Variants in PLCB4 observed in about 807,000 individuals in gnomAD.
PLCB4 encodes the protein 1-phosphatidylinositol 4,5-bisphosphate phosphodiesterase beta-4.
Under a neutral mutation model 178.8 loss-of-function variants are expected in PLCB4, and 77 were observed. The observed-to-expected ratio is 0.43, with a 90% confidence interval of 0.36 to 0.52. PLCB4 has a LOEUF of 0.52. Among genes scored for constraint, PLCB4 ranks in the 20% least tolerant of loss-of-function variants. The pLI is 0.00. For synonymous variants in PLCB4, 496 were observed against 490.8 expected, an observed-to-expected ratio of 1.01 and a Z score of -0.14; for missense variants, 1,024 against 1,453.4, an observed-to-expected ratio of 0.70 and a Z score of 4.80.
intron 2 of PLCB4, among the ~76,000 whole-genome samples, chr20:9,107,640 A>ATTGGGCAGGAGGGTGGCG (rs1467464480): frequency 2.6e-4 from 40 of 152,076 alleles, no homozygotes; most frequent in Middle Eastern, 3.4e-3. Context: ...GTGCTGGGAG[A>ATTGGGCAGGAGGGTGGCG]TTGGGCAGGA....
rs531962757 is a variant in PLCB4 at position 9,108,580 on chromosome 20, G to A, written c.-79+12238G>A. On this transcript the variant is annotated intron_variant, in intron 2 of 39. Coordinates refer to ENST00000378473, the MANE Select transcript of PLCB4 (RefSeq NM_001377142.1). ...GCTGAGGTATGAATTGTGAAGCATG[G>A]AAATGATGATGATGATAATACTAAT... 2.6e-5 allele frequency among the ~76,000 whole-genome samples: 4 copies of A among 151,474 alleles called. No homozygotes were observed. In the East Asian group the frequency reaches 7.8e-4, roughly 29 times the overall value.
intron 14 of PLCB4, among the ~76,000 whole-genome samples, chr20:9,386,493 A>T (rs1568708695): frequency 6.6e-6 from 1 of 150,460 alleles, no homozygotes; most frequent in African/African-American, 2.4e-5. Context: ...TTTTTAATTC[A>T]TTTTTTTTTG....
rs573769259 is a variant in PLCB4 at position 9,204,652 on chromosome 20, C to A, written c.-78-12738C>A. On this transcript the variant is annotated intron_variant, in intron 2 of 39. Coordinates refer to ENST00000378473, the MANE Select transcript of PLCB4 (RefSeq NM_001377142.1). ...TGCTGGGATTACAGGCATGAGCCAC[C>A]GCGCCCGGCCGCTCTAAGACTTTCA... Among the ~76,000 whole-genome samples the A allele has an allele frequency of 8.1e-4, 123 of 152,104 alleles. 1 individual carries two copies. Among genetic ancestry groups the A allele is most frequent in the African/African-American group, 1.6e-3 (68 of 41,484 alleles).
intron 35 of PLCB4, among the ~76,000 whole-genome samples, chr20:9,465,970 T>C (rs2043754112): frequency 6.6e-6 from 1 of 152,190 alleles, no homozygotes; most frequent in African/African-American, 2.4e-5. Context: ...AGAGCCCTCA[T>C]TGCCAAGACA....
chr20:9,264,297 T>C (rs1196791584), intron 3 of PLCB4, among the ~76,000 whole-genome samples: 1 of 152,250 alleles, frequency 6.6e-6, no homozygotes, highest in Non-Finnish European at 1.5e-5. Flanking sequence ...AACTAATGTG[T>C]GTCCTACAAC....
In PLCB4 at chr20:9,154,984, G is replaced by A. The variant is rs565822517; in HGVS notation, c.-79+58642G>A. 2.7e-4 allele frequency among the ~76,000 whole-genome samples: 34 copies of A among 128,132 alleles called. 1 individual carries two copies. In the South Asian group the frequency reaches 8.9e-3, roughly 34 times the overall value. The allele number at this position is 128,132 out of a possible 152,430, so 84.1% of individuals were successfully genotyped here. On this transcript the variant is annotated intron_variant, in intron 2 of 39. Coordinates refer to ENST00000378473, the MANE Select transcript of PLCB4 (RefSeq NM_001377142.1). Reference sequence around the variant, plus strand: ...CCTTCCTTCTGCTTTTGGGGTACAAGTGGTTTTTGGTTACATGGATGAATT... The same window carrying A: ...CCTTCCTTCTGCTTTTGGGGTACAAATGGTTTTTGGTTACATGGATGAATT...
intron 5 of PLCB4, among the ~76,000 whole-genome samples, chr20:9,337,674 A>C (rs2032643338): frequency 6.6e-6 from 1 of 152,160 alleles, no homozygotes; most frequent in African/African-American, 2.4e-5. Flanking sequence ...AAAAATTAGC[A>C]TTTTTCTCAC....
At chr20:9,471,630 AG>A (rs1027169474) in intron 36 of PLCB4, among the ~76,000 whole-genome samples, 45 of 152,368 alleles carry the variant, frequency 3.0e-4, no homozygotes, top group African/African-American at 1.1e-3. Flanking sequence ...AAGAAGTTAT[AG>A]GTCTTTTCAC....
At position 9,423,841 on chromosome 20, in the gene PLCB4, C is replaced by G. The variant is rs1449022652; in HGVS notation, c.2413C>G (p.Gln805Glu). The G allele has an allele frequency of 1.2e-6, 2 of 1,613,854 alleles. No individual in the cohort carries two copies. Among genetic ancestry groups the G allele is most frequent in the Non-Finnish European group, 1.7e-6 (2 of 1,179,792 alleles). ...GQRILPLDGL[Q>E]AGYRHISLRN... ...GAGGATCCTCCCGCTTGATGGCCTC[C>G]AAGCCGGATATCGACACATTTCCCT... The change falls in exon 28 of 40, where the codon CAA (glutamine) becomes GAA (glutamate). Residue 805 changes from glutamine to glutamate, a missense_variant. Gln to Glu is a conservative substitution (Grantham distance 29, BLOSUM62 2). Around this residue, in one of 7 missense-constraint regions of PLCB4, gnomAD observed 227 missense variants for 374.3 expected, o/e 0.61. Transcript: ENST00000378473.
rs765383360 is a variant in PLCB4 at position 9,362,908 on chromosome 20, G to A, written c.382G>A (p.Gly128Ser). Reference sequence around the variant, plus strand: ...CTTTCTCTTTCAGCAATGGGTAGAAGGCCTGAGATCAATCATACACAACTT... The same window carrying A: ...CTTTCTCTTTCAGCAATGGGTAGAAAGCCTGAGATCAATCATACACAACTT... ...NPEVTKQWVE[G>S]LRSIIHNFRA... The change falls in exon 8 of 40, where the codon GGC becomes AGC. Residue 128 changes from glycine to serine, a missense_variant. Physicochemically the swap from Gly to Ser is moderately conservative, Grantham distance 56. This residue lies in a region of PLCB4 where 225 missense variants were observed against 291.0 expected (regional missense o/e 0.77). Coordinates refer to ENST00000378473, the MANE Select transcript of PLCB4 (RefSeq NM_001377142.1). 1.8e-5 allele frequency: 29 copies of A among 1,611,648 alleles called. No homozygotes were observed. The highest frequency in any genetic ancestry group is 2.4e-5 in the Non-Finnish European group (28 of 1,177,994).
At chr20:9,068,881 G>A (rs982675386), upstream of PLCB4, 1 of 151,546 alleles carries the variant, frequency 6.6e-6, no homozygotes, top group African/African-American at 2.4e-5. Flanking sequence ...GAGCCACGGC[G>A]GAGACCCCCG....
At chr20:9,340,799 C>T (rs1345579749) in intron 7 of PLCB4, among the ~76,000 whole-genome samples, 2 of 152,042 alleles carry the variant, frequency 1.3e-5, no homozygotes, top group African/African-American at 4.8e-5. Context: ...AAAATGGGAA[C>T]AGTACTAGAA....
chr20:9,358,797 G>A (rs1210922448), intron 7 of PLCB4, among the ~76,000 whole-genome samples: 2 of 152,106 alleles, frequency 1.3e-5, no homozygotes, highest in Non-Finnish European at 2.9e-5. Flanking sequence ...TACTCATGAG[G>A]CTGAGGAAGG....
In PLCB4 at chr20:9,196,815, G is replaced by A. The variant is rs369901411; in HGVS notation, c.-78-20575G>A. ...TTTAGTACAAAGGTTCTCAGTAAGC[G>A]GAGGTGTTATTTTAGAAATTTATCT... On this transcript the variant is annotated intron_variant, in intron 2 of 39. Coordinates refer to ENST00000378473, the MANE Select transcript of PLCB4 (RefSeq NM_001377142.1). 1.9e-4 allele frequency among the ~76,000 whole-genome samples: 29 copies of A among 152,236 alleles called. No homozygotes were observed. The East Asian group carries it at 4.1e-3, about 21-fold the overall frequency.
At chr20:9,331,065 A>G (rs2031572316) in intron 4 of PLCB4, among the ~76,000 whole-genome samples, 1 of 152,208 alleles carries the variant, frequency 6.6e-6, no homozygotes, top group Admixed American at 6.6e-5. Flanking sequence ...GTTAAGCAGA[A>G]TAACTGCAAG....
At chr20:9,388,934 G>A (rs1423875373) in intron 15 of PLCB4, among the ~76,000 whole-genome samples, 2 of 152,266 alleles carry the variant, frequency 1.3e-5, no homozygotes, top group East Asian at 3.9e-4. Context: ...AATATTTCAA[G>A]ATTATCTAAC....
intron 21 of PLCB4, among the ~76,000 whole-genome samples, chr20:9,407,441 C>A (rs2039529007): frequency 6.6e-6 from 1 of 150,874 alleles, no homozygotes; most frequent in African/African-American, 2.4e-5. Context: ...ACAATCTCAG[C>A]TCACCTCAAC....
chr20:9,474,214 CA>C (rs138592969), intron 38 of PLCB4, among the ~76,000 whole-genome samples: 465 of 120,458 alleles, frequency 3.9e-3, no homozygotes, highest in Middle Eastern at 0.013. Context: ...GACTCCATCT[CA>C]AAAAAAAAAA....
chr20:9,323,297 C>T (rs80213945), intron 4 of PLCB4, among the ~76,000 whole-genome samples: 2,140 of 152,296 alleles, frequency 0.014, 46 homozygotes, highest in African/African-American at 0.049. Context: ...GGCCTTCTTA[C>T]TCACCTACAC....
Sources: gnomAD v4.1 joint callset for allele counts (sites outside exome capture counted in the v4.1 genomes callset) on GRCh38, gnomAD v4.1.1 for gene constraint, gnomAD v4.1.1 regional missense constraint, MANE v1.5 for transcripts, NCBI Gene and HGNC (gene_info 2026-07-23, HGNC 2026-07-21) for gene names.